MROH2B: variants seen among roughly 807,000 people sequenced by gnomAD.
MROH2B encodes the protein maestro heat like repeat family member 2B.
In MROH2B, 177 loss-of-function variants were observed where a neutral mutation model predicts 208.6. The ratio of observed to expected loss-of-function variants is 0.85; its 90% CI spans 0.75 to 0.96. The LOEUF is 0.96. Among genes scored for constraint, MROH2B ranks in the 40% least tolerant of loss-of-function variants. The pLI is 0.00. For synonymous variants in MROH2B, 728 were observed against 659.0 expected (o/e 1.10, Z -1.60); for missense variants, 2,002 against 1,878.7 (o/e 1.07, Z -1.21).
At chr5:41,038,565 T>C (rs570416993) in intron 21 of MROH2B, among the ~76,000 whole-genome samples, 171 bp downstream of exon 21, 3 of 152,330 alleles carry the variant, frequency 2.0e-5, no homozygotes, top group African/African-American at 7.2e-5. Context: ...TTTTATTCTT[T>C]TTTATGGCTG....
chr5:41,017,822 A>G (rs746158071), intron 28 of MROH2B, 28 bp downstream of exon 28: 1 of 1,561,132 alleles, frequency 6.4e-7, no homozygotes, highest in African/African-American at 1.4e-5. Flanking sequence ...TCTTTTCTTC[A>G]TTTGTGGGTT....
chr5:41,044,095 A>T (rs1481972832), intron 18 of MROH2B, among the ~76,000 whole-genome samples: 4 of 151,382 alleles, frequency 2.6e-5, no homozygotes, highest in Non-Finnish European at 4.4e-5. Flanking sequence ...AAAAAAAAAA[A>T]AAAAATTAGC....
chr5:41,035,240 C>T (rs1407471425), intron 21 of MROH2B, among the ~76,000 whole-genome samples: 1 of 151,976 alleles, frequency 6.6e-6, no homozygotes, highest in African/African-American at 2.4e-5. Context: ...AAAACAGACA[C>T]ATAAACCAAT....
intron 9 of MROH2B, among the ~76,000 whole-genome samples, chr5:41,056,462 A>G (rs1411352217): frequency 1.3e-5 from 2 of 152,116 alleles, no homozygotes; most frequent in African/African-American, 2.4e-5. Context: ...GCAAGGAGGT[A>G]GAAGTGATGT....
chr5:41,056,158 T>C (rs750231036), intron 9 of MROH2B, among the ~76,000 whole-genome samples: 3 of 152,176 alleles, frequency 2.0e-5, no homozygotes, highest in Non-Finnish European at 2.9e-5. Flanking sequence ...GAATTTAATA[T>C]GACTGGTGTC....
rs887044305 is a variant in MROH2B, at chr5:41,008,868, A to G, written c.3421-75T>C. On this transcript the variant is annotated intron_variant, in intron 32 of 41. Coordinates refer to ENST00000399564, the MANE Select transcript of MROH2B (RefSeq NM_173489.5). The stretch of plus-strand genomic sequence containing the variant: ...CCATCTTCTCTCTGGGCTGATTTTC[A>G]ACTTTGTTTTCTCCACCAGTAAAAA... 6 of 1,432,958 alleles carry G rather than the reference A, an allele frequency of 4.2e-6. No homozygotes were observed. The African/African-American group carries it at 7.1e-5, about 17-fold the overall frequency. The allele number at this position is 1,432,958 out of a possible 1,614,324, so 88.8% of individuals were successfully genotyped here.
chr5:41,039,571 G>C lies in MROH2B; in HGVS notation c.1954-16C>G, dbSNP rs367659281. On this transcript the variant is annotated splice_polypyrimidine_tract_variant and intron_variant, in intron 19 of 41. Transcript: ENST00000399564. Reference sequence around the variant, plus strand: ...ATGTTATTCCCTAAAATCAGAAAAGGTATGACATTTTGAGTTTAACCATTT... The same window carrying C: ...ATGTTATTCCCTAAAATCAGAAAAGCTATGACATTTTGAGTTTAACCATTT... 1.3e-6 allele frequency: 2 copies of C among 1,513,298 alleles called. No homozygotes were observed. The highest frequency in any genetic ancestry group is 1.9e-5 in the Admixed American group (1 of 52,076). The allele number at this position is 1,513,298 out of a possible 1,614,324, so 93.7% of individuals were successfully genotyped here. A position where few individuals can be genotyped will look rare whatever the true frequency, so the allele number is the denominator to read the frequency against.
rs1360848797 is a variant in MROH2B at position 41,061,535 on chromosome 5, G to T, written c.615+35C>A. 3.2e-6 allele frequency: 5 copies of T among 1,562,950 alleles called. No individual in the cohort carries two copies. The East Asian group carries it at 6.9e-5, about 22-fold the overall frequency. The stretch of plus-strand genomic sequence containing the variant: ...AGAGAAATTTCAACCAGCATATAGG[G>T]ACATCCAGCTTGAGGCATCCTGAGG... On this transcript the variant is annotated intron_variant, in intron 6 of 41. Coordinates refer to ENST00000399564, the MANE Select transcript of MROH2B (RefSeq NM_173489.5).
chr5:41,049,830 C>G (rs1170660384), intron 13 of MROH2B, among the ~76,000 whole-genome samples: 1 of 152,150 alleles, frequency 6.6e-6, no homozygotes, highest in African/African-American at 2.4e-5. Flanking sequence ...AGTGTGACTT[C>G]CCCAGTTGAG....
At chr5:41,050,606 C>T (rs938486578) in intron 13 of MROH2B, among the ~76,000 whole-genome samples, 2 of 152,226 alleles carry the variant, frequency 1.3e-5, no homozygotes, top group East Asian at 3.9e-4. Flanking sequence ...ATCAGGTCTC[C>T]AGTGAGGCCT....
intron 18 of MROH2B, 71 bp from the exon 19 acceptor site, chr5:41,042,279 G>A (rs1017117240): frequency 3.3e-6 from 3 of 904,312 alleles, no homozygotes; most frequent in East Asian, 5.4e-5. Context: ...AGTGGAAAGA[G>A]TTAAAATAAT....
chr5:41,067,846 G>A (rs933233461), intron 2 of MROH2B, among the ~76,000 whole-genome samples: 2 of 152,178 alleles, frequency 1.3e-5, no homozygotes, highest in Non-Finnish European at 1.5e-5. Context: ...GACACTCAGG[G>A]GAATGGAAAT....
chr5:41,068,866 C>G (rs993267949), intron 2 of MROH2B, among the ~76,000 whole-genome samples: 1 of 152,150 alleles, frequency 6.6e-6, no homozygotes, highest in Non-Finnish European at 1.5e-5. Flanking sequence ...CAGACTGATC[C>G]AATCAGAATC....
At chr5:41,069,580 C>A in intron 2 of MROH2B, 111 bp downstream of exon 2, 1 of 782,260 alleles carries the variant, frequency 1.3e-6, no homozygotes, top group Admixed American at 2.5e-5. Context: ...AATCTAATGC[C>A]ATGTAACAAG....
Position 41,049,939 on chromosome 5 carries a change from T to C in MROH2B, c.1345-503A>G, listed in dbSNP as rs565557189. On this transcript the variant is annotated intron_variant, in intron 13 of 41. Coordinates refer to ENST00000399564, the MANE Select transcript of MROH2B (RefSeq NM_173489.5). Reference sequence around the variant, plus strand: ...GTCTGAAACATTGTGGTTTCTTTAGTATGTTTTATGTCCCTTAGAAAACTC... The same window carrying C: ...GTCTGAAACATTGTGGTTTCTTTAGCATGTTTTATGTCCCTTAGAAAACTC... Among the ~76,000 whole-genome samples, 13 of 152,306 alleles carry C rather than the reference T, an allele frequency of 8.5e-5. No homozygotes were observed. The South Asian group carries it at 2.5e-3, about 29-fold the overall frequency.
rs561848119 is a variant in MROH2B, at chr5:41,039,692, A to G, written c.1954-137T>C. The G allele has an allele frequency of 5.3e-5, 31 of 581,654 alleles. No individual in the cohort carries two copies. In the Admixed American group the frequency reaches 6.2e-4, roughly 12 times the overall value. 36.0% of individuals were successfully genotyped at this position (581,654 alleles called of 1,614,324 possible). ...GTTTGCAGAACATACCAAAGTCCCC[A>G]TCTTTGTAAGGTATACAACCAGGAG... is the stretch of plus-strand genomic sequence containing the variant. On this transcript the variant is annotated intron_variant, in intron 19 of 41. Coordinates refer to ENST00000399564, the MANE Select transcript of MROH2B (RefSeq NM_173489.5).
At chr5:41,046,394 G>T (rs1042997459) in intron 17 of MROH2B, among the ~76,000 whole-genome samples, 1 of 151,938 alleles carries the variant, frequency 6.6e-6, no homozygotes, top group African/African-American at 2.4e-5. Context: ...GTCACAATCA[G>T]TCCTTTGAAC....
chr5:40,999,822 A>G (rs1741328413), intron 39 of MROH2B, 43 bp from the exon 40 acceptor site: 1 of 1,573,544 alleles, frequency 6.4e-7, no homozygotes, highest in Admixed American at 1.7e-5. Context: ...TGGAAAGTGA[A>G]CCTTTGTGAC....
In MROH2B at chr5:41,071,139, C is replaced by T. The variant is rs904174739; in HGVS notation, c.-287G>A. ...TCACCAAATATTGTCCCTTTGGTGA[C>T]CAGAGTATTTGGGAAAGAAGTAATT... On this transcript the variant is annotated 5_prime_UTR_variant, in exon 1 of 42. Coordinates refer to ENST00000399564, the MANE Select transcript of MROH2B (RefSeq NM_173489.5). 4.4e-5 allele frequency: 16 copies of T among 363,516 alleles called. No individual in the cohort carries two copies. The highest frequency in any genetic ancestry group is 3.3e-4 in the African/African-American group (16 of 48,480). 22.5% of individuals were successfully genotyped at this position (363,516 alleles called of 1,614,324 possible).
Sources: gnomAD v4.1 joint callset for allele counts (sites outside exome capture counted in the v4.1 genomes callset) on GRCh38, gnomAD v4.1.1 for gene constraint, MANE v1.5 for transcripts, NCBI Gene and HGNC (gene_info 2026-07-23, HGNC 2026-07-21) for gene names.